The following RPS6KC1 variants were observed in gnomAD, a reference collection of about 807,000 sequenced individuals.
The protein encoded by RPS6KC1 is ribosomal protein S6 kinase C1.
In RPS6KC1, 54 loss-of-function variants were observed where a neutral mutation model predicts 103.8. The ratio of observed to expected loss-of-function variants is 0.52; its 90% CI spans 0.42 to 0.65. The LOEUF (loss-of-function observed/expected upper bound fraction) is 0.65. Among genes scored for constraint, RPS6KC1 ranks in the 30% least tolerant of loss-of-function variants. The pLI is 0.00. For missense variants in RPS6KC1, 1,151 were observed against 1,253.8 expected, an observed-to-expected ratio of 0.92 and a Z score of 1.24; for synonymous variants, 439 against 438.7, an observed-to-expected ratio of 1.00 and a Z score of -0.01.
At chr1:213,151,971 A>T (rs1572868392) in intron 6 of RPS6KC1, among the ~76,000 whole-genome samples, 1 of 111,120 alleles carries the variant, frequency 9.0e-6, no homozygotes, top group African/African-American at 3.7e-5. Context: ...CTGGCCGGGC[A>T]GAGGGGCTCC....
At chr1:213,806,359 G>GA in the RPS6KC1 span, among the ~76,000 whole-genome samples, 18 of 151,304 alleles carry the variant, frequency 1.2e-4, no homozygotes, top group Middle Eastern at 3.4e-3. Flanking sequence ...AAAATAAAAA[G>GA]AAAAAAAAAT....
intron 8 of RPS6KC1, among the ~76,000 whole-genome samples, chr1:213,185,410 C>T (rs1409693801): frequency 6.6e-6 from 1 of 152,112 alleles, no homozygotes; most frequent in Non-Finnish European, 1.5e-5. Flanking sequence ...CTTTGGGAGG[C>T]CAAGGTGGGC....
the RPS6KC1 span, among the ~76,000 whole-genome samples, chr1:213,316,827 G>A: frequency 6.6e-6 from 1 of 152,062 alleles, no homozygotes; most frequent in Non-Finnish European, 1.5e-5. Flanking sequence ...AAGGAAATGA[G>A]GAAATAGATT....
chr1:213,175,466 G>T (rs553979576), intron 7 of RPS6KC1, among the ~76,000 whole-genome samples: 1 of 152,202 alleles, frequency 6.6e-6, no homozygotes, highest in African/African-American at 2.4e-5. Context: ...AAGTAATAAG[G>T]CTTTGTGTCT....
chr1:213,524,033 T>C, the RPS6KC1 span, among the ~76,000 whole-genome samples: 1 of 151,748 alleles, frequency 6.6e-6, no homozygotes, highest in African/African-American at 2.4e-5. Flanking sequence ...CCAAAGAGCA[T>C]AGGACAGAAA....
At chr1:213,783,003 A>T in the RPS6KC1 span, among the ~76,000 whole-genome samples, 16 of 152,114 alleles carry the variant, frequency 1.1e-4, no homozygotes, top group African/African-American at 3.9e-4. Context: ...GAAGCGCTGG[A>T]CTATTGTTAT....
chr1:213,378,697 G>A, the RPS6KC1 span, among the ~76,000 whole-genome samples: 17 of 152,266 alleles, frequency 1.1e-4, no homozygotes, highest in East Asian at 1.3e-3. Context: ...AAATGAATGC[G>A]TGAGAATAAA....
the RPS6KC1 span, among the ~76,000 whole-genome samples, chr1:213,572,137 T>A: frequency 6.6e-6 from 1 of 151,984 alleles, no homozygotes; most frequent in Non-Finnish European, 1.5e-5. Context: ...AAGCCAGAAG[T>A]GAGTTTCAAG....
At chr1:213,707,193 C>T in the RPS6KC1 span, among the ~76,000 whole-genome samples, 1 of 152,306 alleles carries the variant, frequency 6.6e-6, no homozygotes, top group East Asian at 1.9e-4. Flanking sequence ...TATTTCTCCA[C>T]ATCCTCTCCA....
At chr1:213,445,988 G>A in the RPS6KC1 span, among the ~76,000 whole-genome samples, 3 of 152,310 alleles carry the variant, frequency 2.0e-5, no homozygotes, top group South Asian at 4.1e-4. Flanking sequence ...AGGGTGAGTC[G>A]GTGGTGGCAC....
the RPS6KC1 span, among the ~76,000 whole-genome samples, chr1:213,542,456 G>A: frequency 3.2e-4 from 48 of 152,276 alleles, no homozygotes; most frequent in African/African-American, 1.2e-3. Context: ...TACAACACAG[G>A]TGGCATCCCC....
the RPS6KC1 span, among the ~76,000 whole-genome samples, chr1:213,327,168 G>T: frequency 6.6e-6 from 1 of 151,344 alleles, no homozygotes; most frequent in East Asian, 1.9e-4. Context: ...CCTGCAGTGC[G>T]GGGGTGTGAG....
chr1:213,541,843 T>C, the RPS6KC1 span, among the ~76,000 whole-genome samples: 4 of 152,176 alleles, frequency 2.6e-5, no homozygotes, highest in African/African-American at 9.7e-5. Context: ...AAAACTTTAC[T>C]GGAAAGGTTA....
chr1:213,768,567 C>A, the RPS6KC1 span, among the ~76,000 whole-genome samples: 1 of 152,156 alleles, frequency 6.6e-6, no homozygotes, highest in Admixed American at 6.5e-5. Context: ...TCCTTCACAG[C>A]AACTTTTAAT....
At chr1:213,767,937 T>C in the RPS6KC1 span, among the ~76,000 whole-genome samples, 1 of 152,112 alleles carries the variant, frequency 6.6e-6, no homozygotes, top group African/African-American at 2.4e-5. Flanking sequence ...CATTCACAGG[T>C]CACTTGCAGG....
At chr1:213,649,661 T>C in the RPS6KC1 span, among the ~76,000 whole-genome samples, 1 of 152,064 alleles carries the variant, frequency 6.6e-6, no homozygotes, top group Non-Finnish European at 1.5e-5. Flanking sequence ...AGTCACAGTG[T>C]CTGTGACGGT....
chr1:213,123,424 C>G (rs1159062395), intron 5 of RPS6KC1, among the ~76,000 whole-genome samples: 1 of 151,452 alleles, frequency 6.6e-6, no homozygotes, highest in African/African-American at 2.4e-5. Flanking sequence ...TTTACCAAAT[C>G]TGTACGAGGT....
At chr1:213,488,477 T>G in the RPS6KC1 span, among the ~76,000 whole-genome samples, 2 of 152,180 alleles carry the variant, frequency 1.3e-5, no homozygotes, top group Non-Finnish European at 2.9e-5. Context: ...TATTTGGTAG[T>G]GTTGGTGGGC....
intron 5 of RPS6KC1, 49 bp from the exon 6 acceptor site, chr1:213,129,478 G>A (rs764804553): frequency 1.2e-5 from 18 of 1,509,204 alleles, no homozygotes; most frequent in Non-Finnish European, 1.6e-5. Context: ...GTATTCGTTT[G>A]GCTGATTCTC....
Sources: gnomAD v4.1 joint callset for allele counts (sites outside exome capture counted in the v4.1 genomes callset) on GRCh38, gnomAD v4.1.1 for gene constraint, MANE v1.5 for transcripts, NCBI Gene and HGNC (gene_info 2026-07-23, HGNC 2026-07-21) for gene names.